The following TTC13 variants were observed in gnomAD, a reference collection of about 807,000 sequenced individuals.
TTC13 encodes the protein tetratricopeptide repeat domain 13.
A neutral mutation model predicts 120.0 loss-of-function variants in TTC13; 62 were observed. The observed-to-expected ratio is 0.52, with a 90% confidence interval of 0.42 to 0.64. The LOEUF (loss-of-function observed/expected upper bound fraction) is 0.64, where lower values mean the gene tolerates loss of function less well. Among genes scored for constraint, TTC13 ranks in the 30% least tolerant of loss-of-function variants. The probability of loss-of-function intolerance (pLI) is 0.00; values close to 1 mark genes in which losing one functional copy is unlikely to be tolerated. For synonymous variants in TTC13, 384 were observed against 393.5 expected (o/e 0.98, Z 0.28); for missense variants, 824 against 1,050.2 (o/e 0.78, Z 2.98).
At position 230,922,158 on chromosome 1, in the gene TTC13, A is replaced by G. The variant is rs7522557; in HGVS notation, c.1815-654T>C. On this transcript the variant is annotated intron_variant, in intron 15 of 22. Transcript: ENST00000366661. Reference sequence around the variant, plus strand: ...GCCTCCCCACTAAACATGTCCACCTACTTTTCGTTCTGGTGCTCTCTGGCC... The same window carrying G: ...GCCTCCCCACTAAACATGTCCACCTGCTTTTCGTTCTGGTGCTCTCTGGCC... Among the ~76,000 whole-genome samples the G allele has an allele frequency of 3.5e-3, 532 of 152,070 alleles. 1 individual carries two copies. The highest frequency in any genetic ancestry group is 0.011 in the African/African-American group (463 of 41,472).
intron 14 of TTC13, 137 bp downstream of exon 14, chr1:230,924,704 C>G (rs1408295003): frequency 4.3e-6 from 4 of 923,534 alleles, no homozygotes; most frequent in African/African-American, 1.7e-5. Context: ...TTCTAACAAA[C>G]TTTAGAGAGG....
Position 230,953,912 on chromosome 1 carries a change from T to A in TTC13, c.513+421A>T, listed in dbSNP as rs16853489. ...TACCTATGAGTAGAAATTAAGTTAA[T>A]CATGAAGATCAACTCCTGTGTGAAA... On this transcript the variant is annotated intron_variant, in intron 4 of 22. Coordinates refer to ENST00000366661, the MANE Select transcript of TTC13 (RefSeq NM_024525.5). 7.3e-3 allele frequency among the ~76,000 whole-genome samples: 1,119 copies of A among 152,294 alleles called. 11 individuals are homozygous for A. The highest frequency in any genetic ancestry group is 0.025 in the African/African-American group (1,054 of 41,574).
intron 18 of TTC13, among the ~76,000 whole-genome samples, chr1:230,914,996 TAGG>T (rs960712555): frequency 1.3e-5 from 2 of 152,120 alleles, no homozygotes; most frequent in African/African-American, 2.4e-5. Context: ...TGTGAAAAGG[TAGG>T]AGAACACTTT....
intron 11 of TTC13, among the ~76,000 whole-genome samples, chr1:230,929,459 C>T (rs1031370982): frequency 1.3e-5 from 2 of 151,736 alleles, no homozygotes; most frequent in Non-Finnish European, 2.9e-5. Flanking sequence ...GGACTACAGG[C>T]ACCCGCCACC....
chr1:230,946,742 G>A (rs1558201049), intron 4 of TTC13, among the ~76,000 whole-genome samples: 1 of 152,128 alleles, frequency 6.6e-6, no homozygotes, highest in Non-Finnish European at 1.5e-5. Flanking sequence ...GTTCACCACA[G>A]GGCCTACCCA....
chr1:230,968,374 T>G (rs1677366090), intron 1 of TTC13, among the ~76,000 whole-genome samples: 1 of 152,196 alleles, frequency 6.6e-6, no homozygotes, highest in Admixed American at 6.5e-5. Flanking sequence ...CACTGCTGCT[T>G]TATTTCTAAT....
chr1:230,911,086 C>T (rs1671454825), intron 20 of TTC13, among the ~76,000 whole-genome samples: 1 of 152,042 alleles, frequency 6.6e-6, no homozygotes, highest in Admixed American at 6.5e-5. Flanking sequence ...AAGTATAAAA[C>T]ATGAGGATTA....
At chr1:230,939,240 C>A in intron 8 of TTC13, 146 bp downstream of exon 8, 1 of 474,246 alleles carries the variant, frequency 2.1e-6, no homozygotes. Context: ...TTGATCCTTT[C>A]CCTTTCTGTA....
chr1:230,954,789 G>A (rs1357600421), intron 3 of TTC13, among the ~76,000 whole-genome samples: 2 of 152,196 alleles, frequency 1.3e-5, no homozygotes, highest in Non-Finnish European at 2.9e-5. Context: ...TACTGTGAAT[G>A]TTATGAGAAA....
At position 230,944,606 on chromosome 1, in the gene TTC13, T is replaced by TC. The variant is rs1674814628; in HGVS notation, c.580-709dup. 6.6e-6 allele frequency among the ~76,000 whole-genome samples: 1 copy of TC among 152,094 alleles called. No individual in the cohort carries two copies. The highest frequency in any genetic ancestry group is 2.4e-5 in the African/African-American group (1 of 41,430). On this transcript the variant is annotated intron_variant, in intron 5 of 22. Coordinates refer to ENST00000366661, the MANE Select transcript of TTC13 (RefSeq NM_024525.5). This position sits in a 1 kb window ranked among gnomAD's most constrained non-coding sequence, Gnocchi z 4.0. ...AAAGTATACAAATACACAAAGTTTC[T>TC]CCAATAGGCCAGCACAAGGTTAGTA...
At position 230,940,625 on chromosome 1, in the gene TTC13, T is replaced by C. The variant is rs1674448354; in HGVS notation, c.673-69A>G. ...ACCCTAAAATCCCAATGTTTTTGAC[T>C]CTTCAATTCCACCTCACCATACTCC... On this transcript the variant is annotated intron_variant, in intron 6 of 22. Transcript: ENST00000366661. The surrounding 1 kb of genome is among the most constrained non-coding windows in gnomAD (Gnocchi z 4.1). The C allele has an allele frequency of 3.0e-6, 3 of 995,798 alleles. No individual in the cohort carries two copies. Among genetic ancestry groups the C allele is most frequent in the Non-Finnish European group, 4.7e-6 (3 of 633,764 alleles). The allele number at this position is 995,798 out of a possible 1,614,324, so 61.7% of individuals were successfully genotyped here. A position where few individuals can be genotyped will look rare whatever the true frequency, so the allele number is the denominator to read the frequency against.
chr1:230,921,604 G>A (rs2102790047), intron 15 of TTC13, 100 bp from the exon 16 acceptor site: 3 of 663,586 alleles, frequency 4.5e-6, no homozygotes, highest in Middle Eastern at 4.4e-4. Context: ...AAGAAACTAT[G>A]AGAATAATGT....
rs141014065 is a variant in TTC13 at position 230,935,446 on chromosome 1, G to T, written c.901-1585C>A. Among the ~76,000 whole-genome samples the T allele has an allele frequency of 3.2e-3, 483 of 152,354 alleles. 2 individuals are homozygous for T. The highest frequency in any genetic ancestry group is 0.011 in the African/African-American group (464 of 41,586). The stretch of plus-strand genomic sequence containing the variant: ...GGGTAAGAGAACAGGCTTCAGGGAG[G>T]AAGTGACAATTGAGTTGGGCCTTGG... On this transcript the variant is annotated intron_variant, in intron 8 of 22. Transcript: ENST00000366661.
chr1:230,961,145 T>G, intron 2 of TTC13, 64 bp downstream of exon 2: 1 of 1,355,578 alleles, frequency 7.4e-7, no homozygotes, highest in South Asian at 1.2e-5. Flanking sequence ...CGACTTCCAC[T>G]TTTTGGAACT....
chr1:230,929,183 C>T, intron 11 of TTC13, 90 bp from the exon 12 acceptor site: 1 of 1,328,180 alleles, frequency 7.5e-7, no homozygotes. Flanking sequence ...TTGTAACAAG[C>T]TGTTCTTCAA....
At chr1:230,947,817 C>T (rs762503432) in intron 4 of TTC13, among the ~76,000 whole-genome samples, 16 of 152,178 alleles carry the variant, frequency 1.1e-4, no homozygotes, top group Non-Finnish European at 2.2e-4. Flanking sequence ...TGTAAATAAG[C>T]AGTTATTCTA....
chr1:230,971,929 A>G (rs1271790748), intron 1 of TTC13, among the ~76,000 whole-genome samples: 1 of 152,256 alleles, frequency 6.6e-6, no homozygotes, highest in African/African-American at 2.4e-5. Flanking sequence ...AAGCTTTCTC[A>G]TAAGCCCACA....
intron 20 of TTC13, 78 bp downstream of exon 20, chr1:230,911,392 T>C (rs898042483): frequency 8.5e-6 from 9 of 1,064,896 alleles, no homozygotes; most frequent in Admixed American, 5.0e-5. Context: ...TCTGTACCTA[T>C]ATCCATAACA....
chr1:230,923,027 T>A (rs1672731171), intron 15 of TTC13, among the ~76,000 whole-genome samples: 1 of 152,110 alleles, frequency 6.6e-6, no homozygotes, highest in Non-Finnish European at 1.5e-5. Flanking sequence ...AAAAAATAAA[T>A]ATACATACAA....
Sources: allele counts gnomAD v4.1 joint callset (sites outside exome capture counted in the v4.1 genomes callset), GRCh38; gene constraint gnomAD v4.1.1; non-coding constraint Gnocchi (gnomAD v3.1); transcripts MANE v1.5; gene names NCBI Gene and HGNC (gene_info 2026-07-23, HGNC 2026-07-21).